Variants in ALPK2 observed in about 807,000 individuals in gnomAD.
ALPK2 encodes alpha kinase 2, also known as alpha-protein kinase 2.
In ALPK2, 127 loss-of-function variants were observed where a neutral mutation model predicts 163.1. That is an observed-to-expected ratio of 0.78 (90% CI 0.67 to 0.90). ALPK2 has a LOEUF of 0.90. ALPK2 is among the 40% of genes least tolerant of loss of function. ALPK2 has a pLI of 0.00. For missense variants in ALPK2, 2,360 were observed against 2,589.6 expected, an observed-to-expected ratio of 0.91 and a Z score of 1.92; for synonymous variants, 953 against 959.1, an observed-to-expected ratio of 0.99 and a Z score of 0.12.
At chr18:58,542,099 C>G (rs148784620) in intron 4 of ALPK2, among the ~76,000 whole-genome samples, 50 of 152,262 alleles carry the variant, frequency 3.3e-4, no homozygotes, top group African/African-American at 1.1e-3. Context: ...GTTTGGGGCT[C>G]TAGGAGTAAG....
intron 12 of ALPK2, among the ~76,000 whole-genome samples, chr18:58,483,888 T>C (rs1013540251): frequency 6.6e-6 from 1 of 151,974 alleles, no homozygotes; most frequent in Non-Finnish European, 1.5e-5. Context: ...AATTCTCAGG[T>C]CATTTGACCT....
intron 8 of ALPK2, 118 bp from the exon 9 acceptor site, chr18:58,517,300 G>C (rs1476946060): frequency 2.9e-6 from 3 of 1,031,910 alleles, no homozygotes; most frequent in Non-Finnish European, 4.2e-6. Context: ...GCAGAACCAA[G>C]AGGGGGCAGA....
intron 3 of ALPK2, among the ~76,000 whole-genome samples, chr18:58,593,855 G>C (rs2052028020): frequency 6.6e-6 from 1 of 150,860 alleles, no homozygotes; most frequent in Non-Finnish European, 1.5e-5. Flanking sequence ...TCCAGCCTGG[G>C]CAACAGAGCA....
intron 1 of ALPK2, among the ~76,000 whole-genome samples, chr18:58,618,295 C>T (rs951999192): frequency 6.6e-6 from 1 of 152,212 alleles, no homozygotes; most frequent in Non-Finnish European, 1.5e-5. Context: ...GATCCACCGG[C>T]CCCGGCCTCC....
intron 4 of ALPK2, among the ~76,000 whole-genome samples, chr18:58,552,185 C>G (rs1367297099): frequency 2.0e-5 from 3 of 152,156 alleles, no homozygotes; most frequent in African/African-American, 7.2e-5. Context: ...GGGGAACTTA[C>G]AGAATTTGCA....
intron 12 of ALPK2, among the ~76,000 whole-genome samples, chr18:58,489,010 T>A (rs1285007491): frequency 6.6e-6 from 1 of 152,136 alleles, no homozygotes; most frequent in Non-Finnish European, 1.5e-5. Flanking sequence ...AGGAATTAAT[T>A]AATAAGCGGA....
intron 4 of ALPK2, among the ~76,000 whole-genome samples, chr18:58,550,334 C>G (rs2051745211): frequency 6.6e-6 from 1 of 150,744 alleles, no homozygotes; most frequent in Non-Finnish European, 1.5e-5. Context: ...CTATCCCTGC[C>G]TTCATCATGA....
chr18:58,609,290 C>T (rs1396096144), intron 2 of ALPK2, among the ~76,000 whole-genome samples: 1 of 152,192 alleles, frequency 6.6e-6, no homozygotes, highest in Non-Finnish European at 1.5e-5. Context: ...GTGGCTGAGC[C>T]TCTTACAGGC....
intron 3 of ALPK2, among the ~76,000 whole-genome samples, chr18:58,584,953 A>G (rs748888662): frequency 2.6e-5 from 4 of 152,246 alleles, no homozygotes; most frequent in Non-Finnish European, 4.4e-5. Context: ...AATTCCCTGA[A>G]CAATTAATTG....
At chr18:58,525,331 T>C (rs1223282214) in intron 6 of ALPK2, among the ~76,000 whole-genome samples, 1 of 152,220 alleles carries the variant, frequency 6.6e-6, no homozygotes, top group Non-Finnish European at 1.5e-5. Context: ...AGTCCAGTTA[T>C]AAGGGGAAGA....
chr18:58,523,703 G>T, intron 8 of ALPK2, 103 bp downstream of exon 8: 1 of 1,428,640 alleles, frequency 7.0e-7, no homozygotes, highest in Non-Finnish European at 9.8e-7. Context: ...CTTCTCGGTT[G>T]GAAGAGTCCA....
chr18:58,492,828 C>A (rs1182471371), intron 12 of ALPK2, among the ~76,000 whole-genome samples: 3 of 152,152 alleles, frequency 2.0e-5, no homozygotes, highest in Non-Finnish European at 4.4e-5. Context: ...GGGTAGAGGC[C>A]AGGATACTGC....
intron 3 of ALPK2, chr18:58,580,768 C>T: frequency 1.8e-6 from 1 of 563,582 alleles, no homozygotes; most frequent in South Asian, 2.2e-5. Context: ...TCCCTTGAAA[C>T]TTTCCTCAAC....
At chr18:58,526,256 G>A (rs566750629) in intron 6 of ALPK2, among the ~76,000 whole-genome samples, 2 of 152,326 alleles carry the variant, frequency 1.3e-5, no homozygotes, top group East Asian at 3.9e-4. Context: ...AACACAAAGA[G>A]TGAAGTTGGC....
intron 3 of ALPK2, among the ~76,000 whole-genome samples, chr18:58,587,147 C>T (rs1382734232): frequency 6.6e-6 from 1 of 152,100 alleles, no homozygotes; most frequent in African/African-American, 2.4e-5. Context: ...AACTGGGAGA[C>T]CCATTGGTTC....
chr18:58,517,973 G>C (rs897544088), intron 8 of ALPK2, among the ~76,000 whole-genome samples: 6 of 152,096 alleles, frequency 3.9e-5, no homozygotes, highest in African/African-American at 1.4e-4. Context: ...ACACATGTTT[G>C]AGATGACAGT....
In ALPK2 at chr18:58,535,960, TATCTC is replaced by T; in HGVS notation, c.4222_4226del (p.Glu1408LysfsTer15). 1 of 1,614,222 alleles carries T rather than the reference TATCTC, an allele frequency of 6.2e-7. No homozygotes were observed. The highest frequency in any genetic ancestry group is 1.1e-5 in the South Asian group (1 of 91,086). ...CAGCCCTGGTGTACTCTATCACACT[TATCTC>T]ATCAATGGGATCTACAGAGGACTCT... On this transcript the variant is annotated frameshift_variant, in exon 5 of 13. Coordinates refer to ENST00000361673, the MANE Select transcript of ALPK2 (RefSeq NM_052947.4).
At chr18:58,529,385 G>T in intron 5 of ALPK2, 147 bp from the exon 6 acceptor site, 2 of 872,830 alleles carry the variant, frequency 2.3e-6, no homozygotes, top group Non-Finnish European at 3.3e-6. Context: ...GGGAGAGGTG[G>T]CTTGCCTAAA....
chr18:58,628,874 T>C lies in ALPK2; in HGVS notation c.-131A>G, dbSNP rs1283400082. The C allele has an allele frequency of 6.6e-6, 1 of 152,182 alleles. No individual in the cohort carries two copies. Among genetic ancestry groups the C allele is most frequent in the Non-Finnish European group, 1.5e-5 (1 of 68,056 alleles). The allele number at this position is 152,182 out of a possible 1,614,324, so 9.4% of individuals were successfully genotyped here. Reference sequence around the variant, plus strand: ...GTGTCCCTGTTCCCGGGACAGGGATTCAAAGGAGTTTATAGGGCTCAGGGT... The same window carrying C: ...GTGTCCCTGTTCCCGGGACAGGGATCCAAAGGAGTTTATAGGGCTCAGGGT... On this transcript the variant is annotated 5_prime_UTR_variant, in exon 1 of 13. It removes the in-frame stop codon of an upstream open reading frame in the 5' UTR. Transcript: ENST00000361673.
Sources: allele counts gnomAD v4.1 joint callset (sites outside exome capture counted in the v4.1 genomes callset), GRCh38; gene constraint gnomAD v4.1.1; transcripts MANE v1.5; gene names NCBI Gene and HGNC (gene_info 2026-07-23, HGNC 2026-07-21).